The following BBS9 variants were observed in gnomAD, a reference collection of about 807,000 sequenced individuals.
BBS9 encodes the protein protein PTHB1.
A neutral mutation model predicts 117.7 loss-of-function variants in BBS9; 89 were observed. The observed-to-expected ratio is 0.76, with a 90% CI of 0.64 to 0.90. The LOEUF is 0.90. Ranked by LOEUF, BBS9 falls within the 40% of genes least tolerant of loss-of-function variation. BBS9 has a pLI of 0.00. For synonymous variants in BBS9, 379 were observed against 370.9 expected, an observed-to-expected ratio of 1.02 and a Z score of -0.25; for missense variants, 982 against 1,042.2, an observed-to-expected ratio of 0.94 and a Z score of 0.80.
chr7:33,315,058 G>A (rs1562981966), intron 9 of BBS9, among the ~76,000 whole-genome samples: 1 of 152,156 alleles, frequency 6.6e-6, no homozygotes, highest in African/African-American at 2.4e-5. Context: ...GACTTAGTTG[G>A]ATGATTTTTC....
chr7:33,550,776 ATTATCTTGTTCC>A (rs1299864821), intron 21 of BBS9, among the ~76,000 whole-genome samples: 1 of 152,196 alleles, frequency 6.6e-6, no homozygotes, highest in African/African-American at 2.4e-5. Context: ...ATGAAAAACA[ATTATCTTGTTCC>A]TGGTGGTTCT....
At chr7:33,624,098 A>T (rs1005797894) in intron 21 of BBS9, among the ~76,000 whole-genome samples, 1 of 152,208 alleles carries the variant, frequency 6.6e-6, no homozygotes, top group African/African-American at 2.4e-5. Flanking sequence ...GATTCTGATA[A>T]ATTTCAGCCC....
intron 21 of BBS9, chr7:33,534,386 G>T: frequency 1.7e-6 from 1 of 605,874 alleles, no homozygotes; most frequent in South Asian, 2.0e-5. Flanking sequence ...AGAATGGTAT[G>T]TCTTTTTTCT....
rs1466520519 is a variant in BBS9, at chr7:33,206,893, T to C, written c.442+29302T>C. ...ATCATGTCTTTTAGCCTCTTTTAAT[T>C]TGGAAAATTTCCTCCAATTTTCTTT... On this transcript the variant is annotated intron_variant, in intron 5 of 22. Coordinates refer to ENST00000242067, the MANE Select transcript of BBS9 (RefSeq NM_198428.3). 2.6e-5 allele frequency among the ~76,000 whole-genome samples: 4 copies of C among 152,158 alleles called. No individual in the cohort carries two copies. In the East Asian group the frequency reaches 7.7e-4, roughly 29 times the overall value.
At position 33,605,175 on chromosome 7, in the gene BBS9, CTT is replaced by C. The variant is rs534190122; in HGVS notation, c.2633-19_2633-18del. 1 of 1,604,818 alleles carries C rather than the reference CTT, an allele frequency of 6.2e-7. No homozygotes were observed. The highest frequency in any genetic ancestry group is 8.5e-7 in the Non-Finnish European group (1 of 1,171,508). On this transcript the variant is annotated intron_variant, in intron 22 of 22. Coordinates refer to ENST00000242067, the MANE Select transcript of BBS9 (RefSeq NM_198428.3). The stretch of plus-strand genomic sequence containing the variant: ...TCAGATCTTTTCTCTCTCTTTCTCT[CTT>C]ACTCTCTTTTTTTCCAGAAGTTTCA...
chr7:33,330,234 C>T (rs980726077), intron 9 of BBS9, among the ~76,000 whole-genome samples: 14 of 152,210 alleles, frequency 9.2e-5, no homozygotes, highest in African/African-American at 3.1e-4. Flanking sequence ...AGGCTGACCT[C>T]AAACTCCTGA....
intron 19 of BBS9, among the ~76,000 whole-genome samples, chr7:33,404,727 G>A (rs1584685115): frequency 6.6e-6 from 1 of 151,644 alleles, no homozygotes; most frequent in East Asian, 1.9e-4. Flanking sequence ...TTGCTTATCA[G>A]CTTAAGGAGA....
intron 5 of BBS9, among the ~76,000 whole-genome samples, chr7:33,235,782 AG>A (rs1186745476): frequency 6.6e-6 from 1 of 152,184 alleles, no homozygotes; most frequent in African/African-American, 2.4e-5. Context: ...GAAGGGGAAA[AG>A]TAGAGTTGAT....
intron 9 of BBS9, among the ~76,000 whole-genome samples, chr7:33,287,074 C>G (rs564423697): frequency 2.0e-4 from 30 of 151,996 alleles, no homozygotes; most frequent in Admixed American, 4.6e-4. Context: ...ACCTGTATTT[C>G]AGAACTAGCT....
intron 5 of BBS9, among the ~76,000 whole-genome samples, chr7:33,188,648 T>TGAAG (rs1783556320): frequency 6.6e-6 from 1 of 152,218 alleles, no homozygotes. Flanking sequence ...CAAGAGGCAC[T>TGAAG]GAAGGACTTG....
chr7:33,236,367 A>G (rs938807412), intron 5 of BBS9, among the ~76,000 whole-genome samples: 1 of 151,422 alleles, frequency 6.6e-6, no homozygotes, highest in Non-Finnish European at 1.5e-5. Flanking sequence ...AATACAGTTA[A>G]ATGAATACAA....
Position 33,155,717 on chromosome 7 carries a change from T to C in BBS9, c.328+15T>C. ...CTCTGTCTCAGGTAAGAAATATTTT[T>C]ACCAATGTAGAATTTATATTACAAA... On this transcript the variant is annotated intron_variant, in intron 4 of 22. Coordinates refer to ENST00000242067, the MANE Select transcript of BBS9 (RefSeq NM_198428.3). 7.2e-7 allele frequency: 1 copy of C among 1,393,694 alleles called. No individual in the cohort carries two copies. The highest frequency in any genetic ancestry group is 1.0e-6 in the Non-Finnish European group (1 of 986,732). 86.3% of individuals were successfully genotyped at this position (1,393,694 alleles called of 1,614,324 possible).
chr7:33,482,734 A>G (rs922852579), intron 19 of BBS9, among the ~76,000 whole-genome samples: 2 of 152,208 alleles, frequency 1.3e-5, no homozygotes, highest in Non-Finnish European at 2.9e-5. Context: ...TCCAGGTTCT[A>G]TAGACTGGCA....
chr7:33,515,421 C>T (rs961836644), intron 20 of BBS9, among the ~76,000 whole-genome samples: 4 of 152,150 alleles, frequency 2.6e-5, no homozygotes, highest in African/African-American at 9.7e-5. Flanking sequence ...ATTGTTGATG[C>T]GGCATTTCTT....
chr7:33,275,908 T>C (rs548101445), intron 9 of BBS9, among the ~76,000 whole-genome samples: 2 of 152,282 alleles, frequency 1.3e-5, no homozygotes, highest in South Asian at 4.1e-4. Flanking sequence ...CAAATTTTCA[T>C]ATAGTGTGCA....
intron 4 of BBS9, among the ~76,000 whole-genome samples, chr7:33,161,480 A>G (rs1584228231): frequency 6.6e-6 from 1 of 152,316 alleles, no homozygotes; most frequent in East Asian, 1.9e-4. Context: ...ATAGTATTCC[A>G]TGGTGTATAT....
chr7:33,509,340 G>T (rs1846587045), intron 20 of BBS9, among the ~76,000 whole-genome samples: 1 of 152,118 alleles, frequency 6.6e-6, no homozygotes, highest in East Asian at 1.9e-4. Context: ...TATGCCTTTA[G>T]ACCTCACAAA....
chr7:33,215,420 T>C (rs949439085), intron 5 of BBS9, among the ~76,000 whole-genome samples: 17 of 152,184 alleles, frequency 1.1e-4, no homozygotes, highest in African/African-American at 4.1e-4. Flanking sequence ...TAAATGCTGC[T>C]GGGAAAATTG....
chr7:33,497,478 T>G (rs1844893209), intron 19 of BBS9, among the ~76,000 whole-genome samples: 1 of 152,220 alleles, frequency 6.6e-6, no homozygotes, highest in South Asian at 2.1e-4. Context: ...CTGGGCTTTT[T>G]GAGCTTGAGT....
Sources: gnomAD v4.1 joint callset for allele counts (sites outside exome capture counted in the v4.1 genomes callset) on GRCh38, gnomAD v4.1.1 for gene constraint, MANE v1.5 for transcripts, NCBI Gene and HGNC (gene_info 2026-07-23, HGNC 2026-07-21) for gene names.